The following STAU1 variants were observed in gnomAD, a reference collection of about 807,000 sequenced individuals.
STAU1 encodes staufen double-stranded RNA binding protein 1, also known as double-stranded RNA-binding protein Staufen homolog 1.
A neutral mutation model predicts 62.9 loss-of-function variants in STAU1; 13 were observed. The observed-to-expected ratio is 0.21, with a 90% CI of 0.13 to 0.33. The LOEUF is 0.33. Among genes scored for constraint, STAU1 ranks in the 10% least tolerant of loss-of-function variants. The pLI, the probability that STAU1 is intolerant of heterozygous loss-of-function variation, is 1.00. For synonymous variants in STAU1, 269 were observed against 265.1 expected, an observed-to-expected ratio of 1.01 and a Z score of -0.14; for missense variants, 571 against 712.1, an observed-to-expected ratio of 0.80 and a Z score of 2.25.
At chr20:49,142,865 T>C (rs1014151185) in intron 5 of STAU1, among the ~76,000 whole-genome samples, 3 of 152,164 alleles carry the variant, frequency 2.0e-5, no homozygotes, top group African/African-American at 4.8e-5. Context: ...TGCAATGGCA[T>C]AATCAGAGCT....
the STAU1 span, among the ~76,000 whole-genome samples, chr20:49,207,634 C>A: frequency 6.6e-6 from 1 of 151,354 alleles, no homozygotes; most frequent in Non-Finnish European, 1.5e-5. Flanking sequence ...TCCTGCCTCA[C>A]CCTCCCGAGT....
intron 6 of STAU1, among the ~76,000 whole-genome samples, chr20:49,132,494 C>A (rs1037251994): frequency 6.6e-6 from 1 of 152,204 alleles, no homozygotes; most frequent in Non-Finnish European, 1.5e-5. Flanking sequence ...CACGGTGGCT[C>A]ATGCCTATAA....
At chr20:49,215,200 T>C in the STAU1 span, among the ~76,000 whole-genome samples, 2 of 152,162 alleles carry the variant, frequency 1.3e-5, no homozygotes, top group Admixed American at 1.3e-4. Context: ...GTTTTTTTCT[T>C]AGAAATCTTC....
At chr20:49,119,370 G>T (rs913192358) in intron 9 of STAU1, among the ~76,000 whole-genome samples, 1 of 152,020 alleles carries the variant, frequency 6.6e-6, no homozygotes, top group Admixed American at 6.6e-5. Flanking sequence ...TAGAGACAGG[G>T]TTTCATCATG....
At chr20:49,118,750 G>C (rs2092393069) in intron 9 of STAU1, among the ~76,000 whole-genome samples, 1 of 152,238 alleles carries the variant, frequency 6.6e-6, no homozygotes, top group South Asian at 2.1e-4. Context: ...CCAAGGTGGG[G>C]AAAGAAGCTT....
At chr20:49,123,318 G>C in intron 7 of STAU1, 83 bp from the exon 8 acceptor site, 1 of 1,593,916 alleles carries the variant, frequency 6.3e-7, no homozygotes, top group Non-Finnish European at 8.6e-7. Flanking sequence ...TATGAGAGGA[G>C]ATAAGAGATT....
chr20:49,214,529 A>AAAC, the STAU1 span, among the ~76,000 whole-genome samples: 13,334 of 149,442 alleles, frequency 0.089, 765 homozygotes, highest in African/African-American at 0.16. Flanking sequence ...AAAAAAAAAA[A>AAAC]AAAACAATAA....
At chr20:49,142,640 T>G (rs1473927383) in intron 5 of STAU1, among the ~76,000 whole-genome samples, 1 of 152,152 alleles carries the variant, frequency 6.6e-6, no homozygotes, top group East Asian at 1.9e-4. Context: ...AGCAGTTTTA[T>G]TTATAGTATT....
chr20:49,195,775 T>C, the STAU1 span, among the ~76,000 whole-genome samples: 2 of 149,906 alleles, frequency 1.3e-5, no homozygotes, highest in Non-Finnish European at 3.0e-5. Flanking sequence ...TGGTGGCACA[T>C]GCCTGTAATT....
In STAU1 at chr20:49,117,694, A is replaced by G; in HGVS notation, c.1509+83T>C. The G allele has an allele frequency of 7.0e-7, 1 of 1,419,638 alleles. No homozygotes were observed. The highest frequency in any genetic ancestry group is 9.4e-7 in the Non-Finnish European group (1 of 1,060,534). 87.9% of individuals were successfully genotyped at this position (1,419,638 alleles called of 1,614,324 possible). A position where few individuals can be genotyped will look rare whatever the true frequency, so the allele number is the denominator to read the frequency against. ...AGAACTTGATTTAAGAAAAAAGTAC[A>G]AAGTTCAAAGTTCATTTTCTGAGAG... is the stretch of plus-strand genomic sequence containing the variant. On this transcript the variant is annotated intron_variant, in intron 11 of 13. Coordinates refer to ENST00000371856, the MANE Select transcript of STAU1 (RefSeq NM_017453.4). This position sits in a 1 kb window ranked among gnomAD's most constrained non-coding sequence, Gnocchi z 4.6.
chr20:49,206,290 G>A, the STAU1 span, among the ~76,000 whole-genome samples: 26 of 151,638 alleles, frequency 1.7e-4, no homozygotes, highest in Admixed American at 9.2e-4. Flanking sequence ...CACCGCACCC[G>A]GCCAAAATTA....
intron 5 of STAU1, among the ~76,000 whole-genome samples, chr20:49,148,812 C>A (rs1366770369): frequency 1.3e-5 from 2 of 152,224 alleles, no homozygotes; most frequent in Non-Finnish European, 2.9e-5. Context: ...CTCAGAAACA[C>A]CAACAGGCAC....
chr20:49,170,634 A>G (rs1311115028), intron 2 of STAU1, among the ~76,000 whole-genome samples: 1 of 152,218 alleles, frequency 6.6e-6, no homozygotes, highest in East Asian at 1.9e-4. Flanking sequence ...GATTATAGAC[A>G]TGAGCCACCG....
chr20:49,195,912 A>C, the STAU1 span, among the ~76,000 whole-genome samples: 1 of 83,028 alleles, frequency 1.2e-5, no homozygotes, highest in Non-Finnish European at 3.0e-5. Flanking sequence ...AAAAAAAAAA[A>C]AAAAAGAAAA....
At chr20:49,216,931 T>C in the STAU1 span, among the ~76,000 whole-genome samples, 1 of 152,148 alleles carries the variant, frequency 6.6e-6, no homozygotes. Context: ...AATTAGGATG[T>C]GAAGGCAGCC....
chr20:49,160,750 A>C lies in STAU1; in HGVS notation c.205+5247T>G, dbSNP rs759453460. Among the ~76,000 whole-genome samples, 4 of 152,232 alleles carry C rather than the reference A, an allele frequency of 2.6e-5. No individual in the cohort carries two copies. In the South Asian group the frequency reaches 8.3e-4, roughly 32 times the overall value. The stretch of plus-strand genomic sequence containing the variant: ...TACAAAATACTCACTTTGAGACTAC[A>C]TGGTGAAACCCCGTCTCTACTAAAA... On this transcript the variant is annotated intron_variant, in intron 3 of 13. Transcript: ENST00000371856.
intron 5 of STAU1, among the ~76,000 whole-genome samples, chr20:49,142,462 T>G (rs973726876): frequency 6.6e-6 from 1 of 152,104 alleles, no homozygotes; most frequent in Admixed American, 6.5e-5. Context: ...TGTATCAAGG[T>G]TCCACGTAAG....
chr20:49,123,244 C>G lies in STAU1; in HGVS notation c.823-9G>C. On this transcript the variant is annotated splice_polypyrimidine_tract_variant and intron_variant, in intron 7 of 13. Transcript: ENST00000371856. ...TCTGGGCTTGTCTGTGGCTGAGGAA[C>G]AAACAAGGCAGAAACTCTGTAATGT... 1 of 1,614,148 alleles carries G rather than the reference C, an allele frequency of 6.2e-7. No individual in the cohort carries two copies. Among genetic ancestry groups the G allele is most frequent in the East Asian group, 2.2e-5 (1 of 44,880 alleles).
At chr20:49,160,553 T>A (rs187192272) in intron 3 of STAU1, among the ~76,000 whole-genome samples, 1 of 152,236 alleles carries the variant, frequency 6.6e-6, no homozygotes, top group Non-Finnish European at 1.5e-5. Flanking sequence ...AGTTCCAGAA[T>A]GTGCTGTTAA....
Sources: gnomAD v4.1 joint callset for allele counts (sites outside exome capture counted in the v4.1 genomes callset) on GRCh38, gnomAD v4.1.1 for gene constraint, Gnocchi (gnomAD v3.1) non-coding constraint, MANE v1.5 for transcripts, NCBI Gene and HGNC (gene_info 2026-07-23, HGNC 2026-07-21) for gene names.